HERC4: variants seen among roughly 807,000 people sequenced by gnomAD.
HERC4 encodes the protein HECT and RLD domain containing E3 ubiquitin protein ligase 4.
Under a neutral mutation model 124.3 loss-of-function variants are expected in HERC4, and 28 were observed. That is an observed-to-expected ratio of 0.23 (90% CI 0.17 to 0.31). HERC4 has a LOEUF of 0.31. Ranked by LOEUF, HERC4 falls within the 10% of genes least tolerant of loss-of-function variation. The probability of loss-of-function intolerance (pLI) is 1.00; values close to 1 mark genes in which losing one functional copy is unlikely to be tolerated. For missense variants in HERC4, 713 were observed against 1,229.3 expected (o/e 0.58, Z 6.28); for synonymous variants, 407 against 421.5 (o/e 0.97, Z 0.42).
intron 5 of HERC4, among the ~76,000 whole-genome samples, chr10:68,037,716 C>G (rs1399688610): frequency 2.6e-5 from 4 of 151,912 alleles, no homozygotes; most frequent in African/African-American, 4.8e-5. Flanking sequence ...AATCAAATAC[C>G]TAGGGGAAAG....
At chr10:68,066,646 C>T (rs972405019) in intron 3 of HERC4, among the ~76,000 whole-genome samples, 2 of 152,130 alleles carry the variant, frequency 1.3e-5, no homozygotes, top group African/African-American at 4.8e-5. Context: ...ATAACTAATC[C>T]AAGTTCCAAG....
intron 3 of HERC4, among the ~76,000 whole-genome samples, chr10:68,051,627 G>C (rs2040313438): frequency 6.6e-6 from 1 of 151,388 alleles, no homozygotes. Context: ...CCAAAGTGCT[G>C]GGATTACAGG....
intron 15 of HERC4, among the ~76,000 whole-genome samples, chr10:67,986,329 G>A (rs1297493638): frequency 6.6e-6 from 1 of 152,128 alleles, no homozygotes; most frequent in Non-Finnish European, 1.5e-5. Context: ...ACTGTCTTAT[G>A]AATATATAAT....
At chr10:68,063,549 G>A (rs1017181227) in intron 3 of HERC4, among the ~76,000 whole-genome samples, 6 of 152,084 alleles carry the variant, frequency 3.9e-5, no homozygotes, top group African/African-American at 1.4e-4. Context: ...AATATCTTAT[G>A]TGTATAAACT....
At chr10:67,950,383 C>T (rs909070763) in intron 19 of HERC4, among the ~76,000 whole-genome samples, 2 of 151,892 alleles carry the variant, frequency 1.3e-5, no homozygotes, top group African/African-American at 4.8e-5. Flanking sequence ...TCAAGTGATT[C>T]TCCTGCCTCA....
intron 15 of HERC4, among the ~76,000 whole-genome samples, chr10:67,982,375 C>A (rs1381023472): frequency 6.6e-6 from 1 of 152,006 alleles, no homozygotes; most frequent in Non-Finnish European, 1.5e-5. Flanking sequence ...ATACACTGGA[C>A]AAAAGACAGT....
chr10:67,942,871 T>C (rs2033031723), intron 19 of HERC4, among the ~76,000 whole-genome samples: 1 of 152,212 alleles, frequency 6.6e-6, no homozygotes, highest in Non-Finnish European at 1.5e-5. Flanking sequence ...CACGTTTTCA[T>C]CTGTATATAT....
At chr10:68,002,599 C>CTTTT (rs375700847) in intron 9 of HERC4, among the ~76,000 whole-genome samples, 2 of 132,586 alleles carry the variant, frequency 1.5e-5, no homozygotes, top group Non-Finnish European at 3.2e-5. Flanking sequence ...TAAATTTTTA[C>CTTTT]TTTTTTTTTT....
intron 15 of HERC4, among the ~76,000 whole-genome samples, chr10:67,977,314 A>C (rs1266575596): frequency 3.3e-5 from 5 of 152,196 alleles, no homozygotes; most frequent in African/African-American, 1.2e-4. Flanking sequence ...AGTGGCCAGA[A>C]GGGAACCCAC....
intron 5 of HERC4, among the ~76,000 whole-genome samples, chr10:68,036,498 TAC>T (rs1451336593): frequency 2.6e-5 from 4 of 152,028 alleles, no homozygotes; most frequent in African/African-American, 9.7e-5. Context: ...CAACAAAGAA[TAC>T]ACAGAGATTC....
chr10:68,071,546 G>A (rs1201326452), intron 3 of HERC4, among the ~76,000 whole-genome samples: 1 of 152,134 alleles, frequency 6.6e-6, no homozygotes, highest in Non-Finnish European at 1.5e-5. Context: ...CTCAACCTGA[G>A]GCAGCATTCC....
intron 6 of HERC4, 84 bp downstream of exon 6, chr10:68,033,881 C>G (rs1478965836): frequency 1.8e-6 from 2 of 1,125,882 alleles, no homozygotes; most frequent in Admixed American, 4.4e-5. Flanking sequence ...ATACATTTCT[C>G]TCTTACACTA....
intron 9 of HERC4, among the ~76,000 whole-genome samples, 160 bp downstream of exon 9, chr10:68,013,866 T>C (rs1196610748): frequency 2.0e-5 from 3 of 152,194 alleles, no homozygotes; most frequent in Non-Finnish European, 1.5e-5. Context: ...TACAAGTAAA[T>C]ATAAGCAAAT....
At chr10:67,995,118 C>G (rs1366655957) in intron 9 of HERC4, 1 of 338,486 alleles carries the variant, frequency 3.0e-6, no homozygotes, top group African/African-American at 2.2e-5. Context: ...GCTTGGTCTT[C>G]TGTTCTGTAA....
intron 19 of HERC4, among the ~76,000 whole-genome samples, chr10:67,941,541 A>T (rs1223716883): frequency 4.6e-5 from 7 of 152,178 alleles, no homozygotes; most frequent in Non-Finnish European, 5.9e-5. Flanking sequence ...AATAATGATT[A>T]AAAATATTTT....
Position 68,059,690 on chromosome 10 carries a change from ATATAT to A in HERC4, c.226+13188_226+13192del, listed in dbSNP as rs1306470658. ...ATATTATATTATATATCATAATATT[ATATAT>A]TATAATATTATATATCATAATATTA... On this transcript the variant is annotated intron_variant, in intron 3 of 24. Coordinates refer to ENST00000373700, the MANE Select transcript of HERC4 (RefSeq NM_015601.4). 5.7e-5 allele frequency among the ~76,000 whole-genome samples: 4 copies of A among 70,680 alleles called. 1 individual carries two copies. The highest frequency in any genetic ancestry group is 8.6e-5 in the Non-Finnish European group (4 of 46,472). 46.4% of individuals were successfully genotyped at this position (70,680 alleles called of 152,430 possible).
chr10:68,006,304 C>T (rs1336632004), intron 9 of HERC4, among the ~76,000 whole-genome samples: 1 of 151,530 alleles, frequency 6.6e-6, no homozygotes, highest in African/African-American at 2.4e-5. Context: ...GAATGAAAAA[C>T]TCCCTTTAGC....
At chr10:67,949,475 C>A (rs1167815434) in intron 19 of HERC4, among the ~76,000 whole-genome samples, 1 of 152,084 alleles carries the variant, frequency 6.6e-6, no homozygotes, top group African/African-American at 2.4e-5. Context: ...ACCTTGCACA[C>A]GCACCCCAAA....
At chr10:68,068,904 C>G in intron 3 of HERC4, 1 of 281,962 alleles carries the variant, frequency 3.5e-6, no homozygotes, top group Non-Finnish European at 5.3e-6. Context: ...ACCATGATAC[C>G]TGCCTTAGCT....
Sources: allele counts gnomAD v4.1 joint callset (sites outside exome capture counted in the v4.1 genomes callset), GRCh38; gene constraint gnomAD v4.1.1; transcripts MANE v1.5; gene names NCBI Gene and HGNC (gene_info 2026-07-23, HGNC 2026-07-21).